The following DOK5 variants were observed in gnomAD, a reference collection of about 807,000 sequenced individuals.
DOK5 encodes downstream of tyrosine kinase 5.
A neutral mutation model predicts 43.3 loss-of-function variants in DOK5; 27 were observed. That is an observed-to-expected ratio of 0.62 (90% CI 0.46 to 0.86). The LOEUF is 0.86. Ranked by LOEUF, DOK5 falls within the 40% of genes least tolerant of loss-of-function variation. The pLI, the probability that DOK5 is intolerant of heterozygous loss-of-function variation, is 0.00. For missense variants in DOK5, 373 were observed against 392.9 expected (o/e 0.95, Z 0.43); for synonymous variants, 146 against 140.1 (o/e 1.04, Z -0.30).
At chr20:54,611,491 G>T (rs953878370) in intron 6 of DOK5, among the ~76,000 whole-genome samples, 2 of 152,126 alleles carry the variant, frequency 1.3e-5, no homozygotes, top group Admixed American at 1.3e-4. Flanking sequence ...AGCCCAGGAG[G>T]TGAAGGCTAC....
At position 54,475,868 on chromosome 20, in the gene DOK5, T is replaced by C. The variant is rs1981398086; in HGVS notation, c.-79T>C. The C allele has an allele frequency of 2.6e-6, 4 of 1,568,188 alleles. No individual in the cohort carries two copies. Among genetic ancestry groups the C allele is most frequent in the Non-Finnish European group, 3.5e-6 (4 of 1,149,930 alleles). On this transcript the variant is annotated 5_prime_UTR_variant, in exon 1 of 8. Transcript: ENST00000262593. This position sits in a 1 kb window ranked among gnomAD's most constrained non-coding sequence, Gnocchi z 4.2. The stretch of plus-strand genomic sequence containing the variant: ...AACTTTCTCCCACCGACTGCTTGTC[T>C]TGACCCTGCCCTCCACCCTCCCCAG...
intron 6 of DOK5, among the ~76,000 whole-genome samples, chr20:54,622,434 G>T (rs145680106): frequency 6.6e-6 from 1 of 152,214 alleles, no homozygotes; most frequent in Non-Finnish European, 1.5e-5. Flanking sequence ...CTTGCAACGT[G>T]CAGGGGTGTG....
chr20:54,606,284 A>G (rs947482476), intron 5 of DOK5, among the ~76,000 whole-genome samples: 5 of 152,034 alleles, frequency 3.3e-5, no homozygotes, highest in African/African-American at 1.2e-4. Context: ...CTTTTTTTTT[A>G]ACCTTCTCTG....
At chr20:54,575,586 A>G (rs1600712260) in intron 2 of DOK5, among the ~76,000 whole-genome samples, 1 of 151,984 alleles carries the variant, frequency 6.6e-6, no homozygotes, top group Non-Finnish European at 1.5e-5. Context: ...GACAACAGGC[A>G]CCCGCCACCA....
intron 2 of DOK5, among the ~76,000 whole-genome samples, chr20:54,567,533 T>C (rs758575181): frequency 1.2e-4 from 18 of 152,212 alleles, no homozygotes; most frequent in Non-Finnish European, 2.5e-4. Context: ...TTCTTTTCCA[T>C]TGATCTGTAT....
intron 1 of DOK5, among the ~76,000 whole-genome samples, chr20:54,526,731 C>G (rs778098074): frequency 7.9e-5 from 12 of 152,072 alleles, no homozygotes; most frequent in Admixed American, 3.9e-4. Context: ...ATAGGTATCT[C>G]TTTATATACA....
At chr20:54,645,265 G>A (rs1247623982) in intron 7 of DOK5, among the ~76,000 whole-genome samples, 2 of 148,186 alleles carry the variant, frequency 1.3e-5, no homozygotes, top group East Asian at 4.0e-4. Flanking sequence ...TGAACCCTCA[G>A]TCCTCCATGC....
intron 1 of DOK5, among the ~76,000 whole-genome samples, chr20:54,493,059 CAAAAAAA>C (rs66973631): frequency 5.0e-5 from 3 of 59,514 alleles, no homozygotes; most frequent in Admixed American, 4.4e-4. Flanking sequence ...TGTCCCCCTC[CAAAAAAA>C]AAAAAAAAAA....
intron 6 of DOK5, among the ~76,000 whole-genome samples, chr20:54,616,770 C>CTTTTTTTT (rs768379251): frequency 4.1e-5 from 5 of 120,634 alleles, no homozygotes; most frequent in African/African-American, 1.3e-4. Flanking sequence ...GATCCACTTT[C>CTTTTTTTT]TTTTTTTTTT....
chr20:54,639,499 G>A lies in DOK5; in HGVS notation c.736-3959G>A, dbSNP rs540069272. 3.4e-4 allele frequency among the ~76,000 whole-genome samples: 52 copies of A among 152,284 alleles called. 1 individual carries two copies. In the South Asian group the frequency reaches 0.01, roughly 30 times the overall value. ...ACCCCCTGAATTTTCCCACAATTTT[G>A]TGAATGGGAGGTTTTTCAAGAACTT... On this transcript the variant is annotated intron_variant, in intron 6 of 7. Transcript: ENST00000262593.
In DOK5 at chr20:54,650,464, C is replaced by T. The variant is rs150282152; in HGVS notation, c.906C>T (p.Tyr302=). Residue 302 remains tyrosine (Y), a synonymous_variant, in exon 8 of 8, where the codon TAC becomes TAT. Transcript: ENST00000262593. The part of the protein sequence containing the change: ...KLHRTETFPA[Y]RSEH ...ATCGAACAGAGACTTTTCCAGCCTA[C>T]AGATCTGAGCACTGACAGTAACTGC... 3.9e-4 allele frequency: 628 copies of T among 1,614,026 alleles called. 2 individuals are homozygous for T. The South Asian group carries it at 4.1e-3, about 11-fold the overall frequency.
At chr20:54,500,880 A>T (rs763029293) in intron 1 of DOK5, among the ~76,000 whole-genome samples, 5 of 151,966 alleles carry the variant, frequency 3.3e-5, no homozygotes, top group Admixed American at 6.6e-5. Flanking sequence ...TTTTAAATGT[A>T]TTTTGTTATG....
intron 1 of DOK5, among the ~76,000 whole-genome samples, chr20:54,535,680 T>C (rs753922339): frequency 2.6e-5 from 4 of 152,132 alleles, no homozygotes; most frequent in South Asian, 2.1e-4. Context: ...TTTGAAAACA[T>C]TGATGTGACA....
At position 54,480,801 on chromosome 20, in the gene DOK5, T is replaced by C. The variant is rs376514803; in HGVS notation, c.66+4789T>C. Among the ~76,000 whole-genome samples the C allele has an allele frequency of 1.5e-3, 234 of 152,236 alleles. 1 individual carries two copies. Among genetic ancestry groups the C allele is most frequent in the African/African-American group, 5.4e-3 (226 of 41,528 alleles). ...CCTCTCGTTCACTGTTTTCTCTGCT[T>C]GGAATATGCTGTTTCCCCAGTTACC... On this transcript the variant is annotated intron_variant, in intron 1 of 7. Coordinates refer to ENST00000262593, the MANE Select transcript of DOK5 (RefSeq NM_018431.5).
At chr20:54,631,428 G>GAA (rs1837293423) in intron 6 of DOK5, among the ~76,000 whole-genome samples, 1 of 148,852 alleles carries the variant, frequency 6.7e-6, no homozygotes, top group African/African-American at 2.5e-5. Context: ...AATAAAGAAA[G>GAA]AGAAGAAAGG....
intron 1 of DOK5, among the ~76,000 whole-genome samples, chr20:54,493,475 A>C (rs1050298683): frequency 2.0e-5 from 3 of 152,184 alleles, no homozygotes; most frequent in African/African-American, 2.4e-5. Context: ...TTTTTCTGAC[A>C]TATCCCAGTC....
intron 1 of DOK5, among the ~76,000 whole-genome samples, chr20:54,548,163 T>C (rs767288831): frequency 1.3e-5 from 2 of 152,214 alleles, no homozygotes; most frequent in Non-Finnish European, 2.9e-5. Flanking sequence ...AGGTGAGCTA[T>C]TTCAACATGG....
chr20:54,493,710 G>A (rs1982284428), intron 1 of DOK5, among the ~76,000 whole-genome samples: 1 of 152,168 alleles, frequency 6.6e-6, no homozygotes, highest in African/African-American at 2.4e-5. Context: ...GCTGAGGTGG[G>A]AGGATTGCTT....
At chr20:54,520,178 TA>T (rs923611719) in intron 1 of DOK5, among the ~76,000 whole-genome samples, 1 of 152,192 alleles carries the variant, frequency 6.6e-6, no homozygotes, top group African/African-American at 2.4e-5. Flanking sequence ...GTCATCTCAG[TA>T]AACGACATCT....
Sources: allele counts gnomAD v4.1 joint callset (sites outside exome capture counted in the v4.1 genomes callset), GRCh38; gene constraint gnomAD v4.1.1; non-coding constraint Gnocchi (gnomAD v3.1); transcripts MANE v1.5; gene names NCBI Gene and HGNC (gene_info 2026-07-23, HGNC 2026-07-21).